GTF2E2: variants seen among roughly 807,000 people sequenced by gnomAD.
GTF2E2 encodes the protein general transcription factor IIE subunit 2, also known as transcription initiation factor IIE subunit beta.
GTF2E2 carries 21 observed loss-of-function variants against 40.5 expected under a neutral mutation model. The ratio of observed to expected loss-of-function variants is 0.52; its 90% CI spans 0.37 to 0.75. The LOEUF is 0.75. GTF2E2 is among the 30% of genes least tolerant of loss of function. GTF2E2 has a pLI of 0.00. For synonymous variants in GTF2E2, 117 were observed against 121.6 expected (o/e 0.96, Z 0.25); for missense variants, 298 against 338.4 (o/e 0.88, Z 0.94).
chr8:30,614,739 T>C, intron 3 of GTF2E2, 24 bp from the exon 4 acceptor site: 4 of 1,337,754 alleles, frequency 3.0e-6, no homozygotes, highest in Middle Eastern at 3.7e-4. Context: ...AAATTGTTAT[T>C]AGAAGACAGT....
At chr8:30,605,407 G>T (rs1245828478) in intron 6 of GTF2E2, among the ~76,000 whole-genome samples, 1 of 151,938 alleles carries the variant, frequency 6.6e-6, no homozygotes, top group African/African-American at 2.4e-5. Context: ...TTAGCAATTG[G>T]GAAAAAACTG....
At chr8:30,620,090 C>G (rs1009533629) in intron 3 of GTF2E2, among the ~76,000 whole-genome samples, 6 of 151,952 alleles carry the variant, frequency 3.9e-5, no homozygotes, top group African/African-American at 1.5e-4. Flanking sequence ...CAGAAGGAAC[C>G]AAACCTGCCT....
At chr8:30,579,132 G>A in intron 7 of GTF2E2, 95 bp from the exon 8 acceptor site, 1 of 753,982 alleles carries the variant, frequency 1.3e-6, no homozygotes, top group Non-Finnish European at 2.4e-6. Flanking sequence ...CAGTGGCTGA[G>A]GATGCCAGGT....
At chr8:30,587,182 A>G (rs1828707555) in intron 6 of GTF2E2, among the ~76,000 whole-genome samples, 2 of 152,102 alleles carry the variant, frequency 1.3e-5, no homozygotes, top group South Asian at 4.1e-4. Context: ...AGGGCGAGGC[A>G]GGAAGATTGC....
chr8:30,630,625 T>C (rs1048719182), intron 3 of GTF2E2, among the ~76,000 whole-genome samples: 2 of 152,012 alleles, frequency 1.3e-5, no homozygotes, highest in Admixed American at 1.3e-4. Flanking sequence ...CCCCCCGCCA[T>C]GAAAAAGTAA....
intron 2 of GTF2E2, among the ~76,000 whole-genome samples, chr8:30,649,016 C>T (rs1267246630): frequency 6.6e-6 from 1 of 152,162 alleles, no homozygotes; most frequent in Non-Finnish European, 1.5e-5. Flanking sequence ...AATGCAAAGA[C>T]ATTCTTGAGC....
chr8:30,645,497 G>T, intron 2 of GTF2E2: 1 of 1,535,630 alleles, frequency 6.5e-7, no homozygotes, highest in Non-Finnish European at 8.7e-7. Flanking sequence ...GACTGCTGCT[G>T]CTGTGTAAAA....
intron 6 of GTF2E2, among the ~76,000 whole-genome samples, chr8:30,606,807 C>G (rs1379185863): frequency 6.6e-6 from 1 of 152,042 alleles, no homozygotes; most frequent in Non-Finnish European, 1.5e-5. Context: ...TTCAGTTGAG[C>G]TATAAACATT....
intron 2 of GTF2E2, among the ~76,000 whole-genome samples, chr8:30,639,746 T>C (rs1188430339): frequency 6.6e-6 from 1 of 152,122 alleles, no homozygotes; most frequent in Non-Finnish European, 1.5e-5. Context: ...GGTAAGTTTA[T>C]TTAATCTTTA....
chr8:30,636,246 C>T (rs1157940215), intron 2 of GTF2E2, among the ~76,000 whole-genome samples: 1 of 152,134 alleles, frequency 6.6e-6, no homozygotes, highest in East Asian at 1.9e-4. Context: ...AGTACACATT[C>T]TATTAGCAAG....
At chr8:30,588,036 C>T (rs1828734243) in intron 6 of GTF2E2, among the ~76,000 whole-genome samples, 1 of 152,134 alleles carries the variant, frequency 6.6e-6, no homozygotes, top group South Asian at 2.1e-4. Context: ...CACTTCACAC[C>T]TGTGAGAATG....
chr8:30,655,196 CA>C (rs11452838), intron 1 of GTF2E2, among the ~76,000 whole-genome samples: 220 of 133,946 alleles, frequency 1.6e-3, no homozygotes, highest in Middle Eastern at 3.8e-3. Flanking sequence ...AACTCTGTCT[CA>C]AAAAAAAAAA....
At chr8:30,600,750 T>C (rs1396891341) in intron 6 of GTF2E2, among the ~76,000 whole-genome samples, 1 of 152,250 alleles carries the variant, frequency 6.6e-6, no homozygotes, top group Admixed American at 6.5e-5. Context: ...GTTGCCTGCC[T>C]AGGTCCAACT....
intron 2 of GTF2E2, chr8:30,644,404 T>G (rs1437539422): frequency 6.6e-6 from 1 of 152,212 alleles, no homozygotes; most frequent in Non-Finnish European, 1.5e-5. Flanking sequence ...TAGGGTCTCT[T>G]CACAGATCAC....
chr8:30,635,811 T>C (rs911324190), intron 2 of GTF2E2, among the ~76,000 whole-genome samples: 17 of 152,146 alleles, frequency 1.1e-4, no homozygotes, highest in African/African-American at 3.6e-4. Flanking sequence ...AAGGAGTGGA[T>C]TACTTCTGAG....
At chr8:30,631,741 C>T (rs1801443084) in intron 3 of GTF2E2, among the ~76,000 whole-genome samples, 1 of 152,072 alleles carries the variant, frequency 6.6e-6, no homozygotes, top group Non-Finnish European at 1.5e-5. Flanking sequence ...TGATTCATTC[C>T]CTTTTATTTA....
intron 6 of GTF2E2, among the ~76,000 whole-genome samples, chr8:30,585,772 TAA>T (rs146018850): frequency 0.15 from 10,390 of 67,146 alleles, 830 homozygotes; most frequent in Non-Finnish European, 0.2. Flanking sequence ...CTTTGCCCTT[TAA>T]AAAAAAAAAA....
chr8:30,604,118 G>A (rs2979528), intron 6 of GTF2E2, among the ~76,000 whole-genome samples: 6,384 of 151,998 alleles, frequency 0.042, 199 homozygotes, highest in African/African-American at 0.086. Flanking sequence ...AATGAGGGGG[G>A]GAGAGGAAGA....
chr8:30,644,926 T>C (rs1487956994), intron 2 of GTF2E2, among the ~76,000 whole-genome samples: 3 of 151,750 alleles, frequency 2.0e-5, no homozygotes, highest in Admixed American at 2.0e-4. Flanking sequence ...AATTTTTGTA[T>C]GTTTTGTAGA....
Sources: gnomAD v4.1 joint callset for allele counts (sites outside exome capture counted in the v4.1 genomes callset) on GRCh38, gnomAD v4.1.1 for gene constraint, MANE v1.5 for transcripts, NCBI Gene and HGNC (gene_info 2026-07-23, HGNC 2026-07-21) for gene names.